Variants in ALKBH8 observed in about 807,000 individuals in gnomAD.
ALKBH8 encodes alkB homolog 8, tRNA methyltransferase, also known as tRNA (carboxymethyluridine(34)-5-O)-methyltransferase ALKBH8.
Under a neutral mutation model 59.8 loss-of-function variants are expected in ALKBH8, and 36 were observed. The observed-to-expected ratio is 0.60, with a 90% CI of 0.46 to 0.79. The LOEUF (loss-of-function observed/expected upper bound fraction) is 0.79, where lower values mean the gene tolerates loss of function less well. Among genes scored for constraint, ALKBH8 ranks in the 30% least tolerant of loss-of-function variants. The pLI, the probability that ALKBH8 is intolerant of heterozygous loss-of-function variation, is 0.00. For synonymous variants in ALKBH8, 276 were observed against 273.6 expected (o/e 1.01, Z -0.09); for missense variants, 768 against 801.0 (o/e 0.96, Z 0.50).
intron 6 of ALKBH8, among the ~76,000 whole-genome samples, chr11:107,550,778 C>G (rs580821): frequency 0.47 from 71,989 of 151,998 alleles, 18,034 homozygotes; most frequent in Non-Finnish European, 0.56. Flanking sequence ...TAATCTTACA[C>G]GTGGAAGCTC....
chr11:107,512,989 G>T (rs1862703333), intron 10 of ALKBH8, among the ~76,000 whole-genome samples: 1 of 152,092 alleles, frequency 6.6e-6, no homozygotes. Context: ...CATAGGCTCT[G>T]GCAAAGATTT....
Position 107,551,711 on chromosome 11 carries a change from T to TA in ALKBH8, c.700+96dup, listed in dbSNP as rs1293197683. ...CTCCATCTCAAAAAAAAAAAAATAA[T>TA]AATAATAATAATAATAATATATCTG... On this transcript the variant is annotated intron_variant, in intron 6 of 11. Coordinates refer to ENST00000428149, the MANE Select transcript of ALKBH8 (RefSeq NM_138775.3). 470 of 301,726 alleles carry TA rather than the reference T, an allele frequency of 1.6e-3. 6 individuals carry two copies. The highest frequency in any genetic ancestry group is 0.01 in the African/African-American group (410 of 39,052). The allele number at this position is 301,726 out of a possible 1,614,324, so 18.7% of individuals were successfully genotyped here.
At chr11:107,524,848 A>G (rs1343318152) in intron 9 of ALKBH8, among the ~76,000 whole-genome samples, 2 of 152,222 alleles carry the variant, frequency 1.3e-5, no homozygotes, top group Non-Finnish European at 2.9e-5. Flanking sequence ...ATTACAAAAT[A>G]TTATTTACAA....
In ALKBH8 at chr11:107,553,885, T is replaced by C; in HGVS notation, c.461A>G (p.Glu154Gly). Residue 154 changes from glutamate (E) to glycine (G), a missense_variant, in exon 4 of 12, where the codon GAA becomes GGA. By Grantham distance (98) the Glu-to-Gly change is moderately conservative. Coordinates refer to ENST00000428149, the MANE Select transcript of ALKBH8 (RefSeq NM_138775.3). ...ISSEEEKMLLESVDWTEDTDN... is the reference protein window; with the variant it reads ...ISSEEEKMLLGSVDWTEDTDN... Reference sequence around the variant, plus strand: ...TGTATCTTCTGTCCAATCAACACTTTCCAAAAGCATTTTCTCCTCCTCAGA... The same window carrying C: ...TGTATCTTCTGTCCAATCAACACTTCCCAAAAGCATTTTCTCCTCCTCAGA... 1.2e-6 allele frequency: 2 copies of C among 1,613,806 alleles called. No homozygotes were observed. Among genetic ancestry groups the C allele is most frequent in the Non-Finnish European group, 1.7e-6 (2 of 1,179,790 alleles).
At position 107,504,997 on chromosome 11, in the gene ALKBH8, G is replaced by C; in HGVS notation, c.1656C>G (p.Asp552Glu). ...TAATGCGGGGGACAGAAGATGCCGAGTCTCGACTGCCCATGTCACGCATTT... is the reference window on the plus strand; with the variant it reads ...TAATGCGGGGGACAGAAGATGCCGACTCTCGACTGCCCATGTCACGCATTT... ...VEQMRDMGSRDSASSVPRIND... is the reference protein window; with the variant it reads ...VEQMRDMGSRESASSVPRIND... The change falls in exon 12 of 12, where the codon GAC (aspartate) becomes GAG (glutamate). Residue 552 changes from aspartate (D) to glutamate (E), a missense_variant. Transcript: ENST00000428149. 6.4e-7 allele frequency: 1 copy of C among 1,551,636 alleles called. No homozygotes were observed. Among genetic ancestry groups the C allele is most frequent in the Non-Finnish European group, 8.7e-7 (1 of 1,146,864 alleles).
intron 7 of ALKBH8, among the ~76,000 whole-genome samples, chr11:107,540,012 T>A (rs930131623): frequency 6.6e-6 from 1 of 152,208 alleles, no homozygotes; most frequent in East Asian, 1.9e-4. Flanking sequence ...GAGTGGGCGA[T>A]GAAGTGTTAC....
At chr11:107,524,322 C>T (rs1372582091) in intron 9 of ALKBH8, among the ~76,000 whole-genome samples, 1 of 152,070 alleles carries the variant, frequency 6.6e-6, no homozygotes, top group East Asian at 1.9e-4. Flanking sequence ...CCTCAGCCTC[C>T]CAAAGTGCTG....
At chr11:107,525,308 C>T (rs979361962) in intron 9 of ALKBH8, 133 bp downstream of exon 9, 36 of 734,060 alleles carry the variant, frequency 4.9e-5, no homozygotes, top group Admixed American at 1.2e-4. Flanking sequence ...CATGAAAGTG[C>T]AATACAAGGC....
intron 8 of ALKBH8, among the ~76,000 whole-genome samples, chr11:107,531,358 T>A (rs1393480333): frequency 6.6e-6 from 1 of 152,178 alleles, no homozygotes; most frequent in Non-Finnish European, 1.5e-5. Flanking sequence ...GCTAGAGATG[T>A]ATCCCTAGCA....
intron 8 of ALKBH8, among the ~76,000 whole-genome samples, chr11:107,526,670 T>G (rs1863370722): frequency 6.6e-6 from 1 of 151,984 alleles, no homozygotes. Flanking sequence ...ACAAAAACAG[T>G]TTTTTATAAA....
intron 7 of ALKBH8, among the ~76,000 whole-genome samples, chr11:107,542,131 T>A (rs115134154): frequency 0.023 from 3,435 of 151,740 alleles, 145 homozygotes; most frequent in African/African-American, 0.079. Context: ...GAAGAAAGAA[T>A]GGGGGCAGGG....
Position 107,504,814 on chromosome 11 carries a change from G to A in ALKBH8, c.1839C>T (p.Pro613=). Residue 613 remains proline (P), a synonymous_variant, in exon 12 of 12, where the codon CCC becomes CCT. Transcript: ENST00000428149. The part of the protein sequence containing the change: ...DKGKPVEPFG[P]IGSQDPSPVF... The stretch of plus-strand genomic sequence containing the variant: ...CAGGACTTGGGTCCTGGGATCCTAT[G>A]GGACCAAATGGCTCAACAGGTTTGC... The A allele has an allele frequency of 3.9e-6, 6 of 1,551,790 alleles. No individual in the cohort carries two copies. Among genetic ancestry groups the A allele is most frequent in the Non-Finnish European group, 5.2e-6 (6 of 1,147,004 alleles).
intron 1 of ALKBH8, 68 bp downstream of exon 1, chr11:107,565,533 G>A (rs1256453840): frequency 3.9e-6 from 6 of 1,533,408 alleles, no homozygotes; most frequent in African/African-American, 1.4e-5. Context: ...AGAGAAGACC[G>A]GAAGAGGCTG....
chr11:107,530,353 G>A (rs1376314904), intron 8 of ALKBH8, among the ~76,000 whole-genome samples: 1 of 152,126 alleles, frequency 6.6e-6, no homozygotes, highest in Non-Finnish European at 1.5e-5. Flanking sequence ...ATGCTTTCTA[G>A]TGCTTTTGTT....
chr11:107,537,374 A>G (rs1863861978), intron 7 of ALKBH8, among the ~76,000 whole-genome samples: 1 of 152,244 alleles, frequency 6.6e-6, no homozygotes, highest in Non-Finnish European at 1.5e-5. Flanking sequence ...CTATGCAGCC[A>G]TAAAAAGGAA....
At chr11:107,557,026 A>G in intron 2 of ALKBH8, 23 bp from the exon 3 acceptor site, 1 of 1,498,310 alleles carries the variant, frequency 6.7e-7, no homozygotes, top group East Asian at 2.4e-5. Flanking sequence ...ACAAACAAAC[A>G]AAAAGAAAGT....
Position 107,505,000 on chromosome 11 carries a change from T to C in ALKBH8, c.1653A>G (p.Arg551=). The C allele has an allele frequency of 6.4e-7, 1 of 1,551,674 alleles. No individual in the cohort carries two copies. The highest frequency in any genetic ancestry group is 8.7e-7 in the Non-Finnish European group (1 of 1,146,874). The change falls in exon 12 of 12, where the codon CGA becomes CGG. Residue 551 remains arginine (R), a synonymous_variant. Coordinates refer to ENST00000428149, the MANE Select transcript of ALKBH8 (RefSeq NM_138775.3). ...LVEQMRDMGS[R]DSASSVPRIN... ...TGCGGGGGACAGAAGATGCCGAGTC[T>C]CGACTGCCCATGTCACGCATTTGCT...
intron 10 of ALKBH8, among the ~76,000 whole-genome samples, chr11:107,519,757 A>C (rs1237847055): frequency 6.6e-6 from 1 of 152,192 alleles, no homozygotes; most frequent in Non-Finnish European, 1.5e-5. Context: ...CGAGATTTCA[A>C]ATTTTCGTAT....
intron 10 of ALKBH8, among the ~76,000 whole-genome samples, chr11:107,517,301 G>T (rs890205903): frequency 7.9e-5 from 12 of 152,226 alleles, no homozygotes; most frequent in Admixed American, 3.9e-4. Flanking sequence ...AGGGAATCCT[G>T]GCATACTGTT....
Sources: gnomAD v4.1 joint callset for allele counts (sites outside exome capture counted in the v4.1 genomes callset) on GRCh38, gnomAD v4.1.1 for gene constraint, MANE v1.5 for transcripts, NCBI Gene and HGNC (gene_info 2026-07-23, HGNC 2026-07-21) for gene names.